Variants in BOLL observed in about 807,000 individuals in gnomAD.
BOLL encodes protein boule-like.
Under a neutral mutation model 44.4 loss-of-function variants are expected in BOLL, and 23 were observed. That is an observed-to-expected ratio of 0.52 (90% CI 0.37 to 0.73). The LOEUF (loss-of-function observed/expected upper bound fraction) is 0.73, where lower values mean the gene tolerates loss of function less well. Among genes scored for constraint, BOLL ranks in the 30% least tolerant of loss-of-function variants. BOLL has a pLI of 0.00. For missense variants in BOLL, 287 were observed against 338.3 expected (o/e 0.85, Z 1.19); for synonymous variants, 97 against 110.8 (o/e 0.88, Z 0.78).
At chr2:197,777,035 G>T in intron 4 of BOLL, 24 bp downstream of exon 4, 1 of 1,524,088 alleles carries the variant, frequency 6.6e-7, no homozygotes, top group East Asian at 2.3e-5. Flanking sequence ...CAGAAATGAA[G>T]TTAAATACAC....
chr2:197,774,701 T>C (rs1199639155), intron 5 of BOLL: 1 of 151,920 alleles, frequency 6.6e-6, no homozygotes, highest in South Asian at 2.1e-4. Context: ...CAACAGTAGA[T>C]TGAAAATATT....
At chr2:197,732,348 C>A (rs1397049354) in intron 10 of BOLL, among the ~76,000 whole-genome samples, 1 of 152,102 alleles carries the variant, frequency 6.6e-6, no homozygotes, top group East Asian at 1.9e-4. Flanking sequence ...AGTCCAGGAC[C>A]AGATGGATTC....
chr2:197,730,883 G>T (rs1026547828), intron 10 of BOLL, among the ~76,000 whole-genome samples: 1 of 151,968 alleles, frequency 6.6e-6, no homozygotes, highest in Admixed American at 6.6e-5. Flanking sequence ...AGACCATCGA[G>T]ACTAGGAAGA....
At chr2:197,770,310 T>A (rs1359341900) in intron 6 of BOLL, among the ~76,000 whole-genome samples, 2 of 152,196 alleles carry the variant, frequency 1.3e-5, no homozygotes, top group Non-Finnish European at 2.9e-5. Flanking sequence ...AAGCTGAAAC[T>A]GGATCCCTTC....
chr2:197,777,212 C>G (rs1479681380), intron 3 of BOLL, 99 bp from the exon 4 acceptor site: 2 of 726,536 alleles, frequency 2.8e-6, no homozygotes, highest in African/African-American at 3.7e-5. Flanking sequence ...AATCATCGGC[C>G]ACTGTAGGAG....
At chr2:197,771,770 G>T in intron 6 of BOLL, 85 bp downstream of exon 6, 1 of 1,337,472 alleles carries the variant, frequency 7.5e-7, no homozygotes, top group Non-Finnish European at 1.0e-6. Context: ...GTAATTATCT[G>T]TGGTTAAGAT....
At chr2:197,756,675 G>T in intron 8 of BOLL, 119 bp from the exon 9 acceptor site, 1 of 896,884 alleles carries the variant, frequency 1.1e-6, no homozygotes, top group Non-Finnish European at 1.6e-6. Context: ...TTTTTTTTAG[G>T]AATAGCACAG....
chr2:197,774,262 A>G (rs1689406931), intron 5 of BOLL: 1 of 176,808 alleles, frequency 5.7e-6, no homozygotes. Context: ...AATGCAAATT[A>G]TACATGATGT....
At chr2:197,741,731 C>A (rs1687743277) in intron 10 of BOLL, among the ~76,000 whole-genome samples, 1 of 151,996 alleles carries the variant, frequency 6.6e-6, no homozygotes, top group Non-Finnish European at 1.5e-5. Context: ...CTAGGCAATA[C>A]CATTCAGGAC....
chr2:197,743,713 G>T (rs768397689), intron 9 of BOLL, among the ~76,000 whole-genome samples: 1 of 151,930 alleles, frequency 6.6e-6, no homozygotes, highest in Non-Finnish European at 1.5e-5. Flanking sequence ...AAAAATGGTA[G>T]AATTAATTTT....
intron 5 of BOLL, chr2:197,774,124 G>A: frequency 2.7e-6 from 1 of 374,144 alleles, no homozygotes; most frequent in Non-Finnish European, 5.5e-6. Context: ...ATAAGGGATG[G>A]ATGGTATACC....
intron 5 of BOLL, among the ~76,000 whole-genome samples, chr2:197,773,365 T>C (rs1248545628): frequency 6.6e-6 from 1 of 151,868 alleles, no homozygotes; most frequent in African/African-American, 2.4e-5. Context: ...GCCCTAGTGA[T>C]ACAGCAAAAA....
At chr2:197,743,963 C>G (rs1022217225) in intron 9 of BOLL, among the ~76,000 whole-genome samples, 2 of 151,992 alleles carry the variant, frequency 1.3e-5, no homozygotes, top group African/African-American at 4.8e-5. Context: ...GGTGCCGCCA[C>G]TACACCCGGC....
chr2:197,786,063 C>A (rs945739900), upstream of BOLL: 1 of 1,587,642 alleles, frequency 6.3e-7, no homozygotes, highest in East Asian at 2.3e-5. This position sits in a 1 kb window ranked among gnomAD's most constrained non-coding sequence, Gnocchi z 5.9. Flanking sequence ...TTTGAAACCA[C>A]CTTCACGCCA....
At chr2:197,778,874 C>A in intron 3 of BOLL, 101 bp downstream of exon 3, 2 of 921,600 alleles carry the variant, frequency 2.2e-6, no homozygotes, top group South Asian at 1.7e-5. Flanking sequence ...GCATGATGGT[C>A]TCTGCTGGAA....
At chr2:197,729,476 G>A (rs1446082158) in intron 10 of BOLL, among the ~76,000 whole-genome samples, 1 of 152,148 alleles carries the variant, frequency 6.6e-6, no homozygotes, top group African/African-American at 2.4e-5. Context: ...GCTCAAGGAG[G>A]CCTGCCTGCC....
intron 1 of BOLL, among the ~76,000 whole-genome samples, chr2:197,783,299 A>T (rs2106397989): frequency 6.6e-6 from 1 of 152,340 alleles, no homozygotes; most frequent in Middle Eastern, 3.4e-3. Flanking sequence ...AAAAAGAAAG[A>T]AAAAGAAAAT....
chr2:197,775,125 T>C (rs1689449752), intron 5 of BOLL, among the ~76,000 whole-genome samples: 1 of 151,774 alleles, frequency 6.6e-6, no homozygotes. Flanking sequence ...TGAGGAAAGA[T>C]AGAATTGAAA....
rs1376928957 is a variant in BOLL, at chr2:197,727,024, GT to G, written c.*1530del. The G allele has an allele frequency of 6.6e-6, 1 of 152,622 alleles. No homozygotes were observed. Among genetic ancestry groups the G allele is most frequent in the Admixed American group, 6.5e-5 (1 of 15,284 alleles). The allele number at this position is 152,622 out of a possible 1,614,324, so 9.5% of individuals were successfully genotyped here. A position where few individuals can be genotyped will look rare whatever the true frequency, so the allele number is the denominator to read the frequency against. Reference sequence around the variant, plus strand: ...TAAAAGAAAATCTTGAACATCAGTGGTTAGTAATTTTTTACTTACAGAACAA... The same window carrying G: ...TAAAAGAAAATCTTGAACATCAGTGGTAGTAATTTTTTACTTACAGAACAA... On this transcript the variant is annotated 3_prime_UTR_variant, in exon 11 of 11. Transcript: ENST00000392296.
Sources: gnomAD v4.1 joint callset for allele counts (sites outside exome capture counted in the v4.1 genomes callset) on GRCh38, gnomAD v4.1.1 for gene constraint, Gnocchi (gnomAD v3.1) non-coding constraint, MANE v1.5 for transcripts, NCBI Gene and HGNC (gene_info 2026-07-23, HGNC 2026-07-21) for gene names.